The following TIMM23B variants were observed in gnomAD, a reference collection of about 807,000 sequenced individuals.
TIMM23B encodes the protein mitochondrial import inner membrane translocase subunit Tim23B.
In TIMM23B, 27 loss-of-function variants were observed where a neutral mutation model predicts 27.3. The ratio of observed to expected loss-of-function variants is 0.99; its 90% CI spans 0.73 to 1.36. TIMM23B has a LOEUF of 1.36. TIMM23B is among the 40% of genes most tolerant of loss of function. The pLI is 0.00. For synonymous variants in TIMM23B, 73 were observed against 92.4 expected (o/e 0.79, Z 1.21); for missense variants, 205 against 244.2 (o/e 0.84, Z 1.07).
chr10:49,948,824 T>A (rs1839431644), intron 2 of TIMM23B, among the ~76,000 whole-genome samples: 1 of 152,176 alleles, frequency 6.6e-6, no homozygotes, highest in Non-Finnish European at 1.5e-5. Flanking sequence ...ACCACTGAAT[T>A]GTACACTCTA....
Position 49,945,562 on chromosome 10 carries a change from A to T in TIMM23B, c.165+472A>T, listed in dbSNP as rs1218324863. On this transcript the variant is annotated intron_variant, in intron 2 of 6. Coordinates refer to ENST00000651259, the MANE Select transcript of TIMM23B (RefSeq NM_001290117.2). ...CGCCTGGCTAATTTTTGTGTTCTCA[A>T]TAGAGACCGGGTTTCACCATGTTGG... Among the ~76,000 whole-genome samples the T allele has an allele frequency of 3.3e-5, 5 of 152,202 alleles. No homozygotes were observed. In the East Asian group the frequency reaches 9.7e-4, roughly 29 times the overall value.
Position 49,967,562 on chromosome 10 carries a change from C to T in TIMM23B, c.515-5450C>T, listed in dbSNP as rs1840218419. 2.0e-5 allele frequency among the ~76,000 whole-genome samples: 3 copies of T among 150,334 alleles called. No homozygotes were observed. The South Asian group carries it at 6.4e-4, about 32-fold the overall frequency. On this transcript the variant is annotated intron_variant, in intron 6 of 6. Coordinates refer to ENST00000651259, the MANE Select transcript of TIMM23B (RefSeq NM_001290117.2). ...TGGGTCAGCAGATTATTTACCTCTTCTACAATTGCAATGGAAATTGAAATC... is the reference window on the plus strand; with the variant it reads ...TGGGTCAGCAGATTATTTACCTCTTTTACAATTGCAATGGAAATTGAAATC...
At chr10:49,953,554 C>T (rs1839611790) in intron 4 of TIMM23B, among the ~76,000 whole-genome samples, 1 of 152,124 alleles carries the variant, frequency 6.6e-6, no homozygotes, top group African/African-American at 2.4e-5. Context: ...CTGTATTGCT[C>T]AGGCTGTTCT....
intron 6 of TIMM23B, among the ~76,000 whole-genome samples, chr10:49,969,633 G>T (rs1198595484): frequency 2.0e-4 from 30 of 151,684 alleles, no homozygotes; most frequent in African/African-American, 6.5e-4. Flanking sequence ...GGTCAAGGCT[G>T]CAGTGAGCCG....
rs1311346509 is a variant in TIMM23B, at chr10:49,942,116, C to G, written c.-79C>G. The G allele has an allele frequency of 4.1e-6, 6 of 1,468,994 alleles. No homozygotes were observed. Among genetic ancestry groups the G allele is most frequent in the African/African-American group, 1.4e-5 (1 of 70,450 alleles). The allele number at this position is 1,468,994 out of a possible 1,614,324, so 91.0% of individuals were successfully genotyped here. A position where few individuals can be genotyped will look rare whatever the true frequency, so the allele number is the denominator to read the frequency against. ...GGCGCTGGCAACGCGGGGTTACCCG[C>G]TGTTATTGAGGAGTAACGGCCCAGC... is the stretch of plus-strand genomic sequence containing the variant. On this transcript the variant is annotated 5_prime_UTR_variant, in exon 1 of 7. Coordinates refer to ENST00000651259, the MANE Select transcript of TIMM23B (RefSeq NM_001290117.2).
intron 5 of TIMM23B, among the ~76,000 whole-genome samples, chr10:49,957,144 C>T (rs1839751326): frequency 6.6e-6 from 1 of 152,028 alleles, no homozygotes; most frequent in Non-Finnish European, 1.5e-5. Context: ...TCTGACCAAC[C>T]AGCTTTGTCA....
At chr10:49,957,240 G>A (rs1168733419) in intron 5 of TIMM23B, among the ~76,000 whole-genome samples, 2 of 150,332 alleles carry the variant, frequency 1.3e-5, no homozygotes, top group Admixed American at 6.6e-5. Flanking sequence ...TAACATTTGC[G>A]TATTTATTAT....
intron 5 of TIMM23B, among the ~76,000 whole-genome samples, chr10:49,955,500 C>T (rs1448024249): frequency 6.6e-6 from 1 of 152,200 alleles, no homozygotes; most frequent in Non-Finnish European, 1.5e-5. Flanking sequence ...TTTCAGGCAC[C>T]TAATTGCCAC....
At chr10:49,949,858 G>A (rs1290809305) in intron 2 of TIMM23B, among the ~76,000 whole-genome samples, 13 of 146,622 alleles carry the variant, frequency 8.9e-5, no homozygotes, top group African/African-American at 3.0e-4. Flanking sequence ...TTTTTTTCTT[G>A]TTTAATAGTA....
intron 6 of TIMM23B, chr10:49,972,808 A>G (rs1259578393): frequency 3.4e-6 from 2 of 586,834 alleles, no homozygotes; most frequent in Non-Finnish European, 6.0e-6. Flanking sequence ...GTTCTTTTTC[A>G]TTTTCATCTT....
chr10:49,964,578 A>AAATAATGAAATG (rs1359239252), intron 6 of TIMM23B, among the ~76,000 whole-genome samples: 2 of 152,062 alleles, frequency 1.3e-5, no homozygotes, highest in Admixed American at 6.6e-5. Context: ...TGATGAAATG[A>AAATAATGAAATG]AATAATGAAA....
intron 6 of TIMM23B, among the ~76,000 whole-genome samples, chr10:49,961,446 G>A (rs1193853481): frequency 6.6e-6 from 1 of 151,724 alleles, no homozygotes; most frequent in Non-Finnish European, 1.5e-5. Flanking sequence ...ACGGTTTGCT[G>A]TTTGGTGGTT....
chr10:49,960,703 CAA>C (rs1194068299), intron 6 of TIMM23B, among the ~76,000 whole-genome samples: 1 of 151,296 alleles, frequency 6.6e-6, no homozygotes, highest in African/African-American at 2.4e-5. Context: ...CTCACCAAAC[CAA>C]ATTACCTCCA....
intron 1 of TIMM23B, among the ~76,000 whole-genome samples, chr10:49,943,706 T>A (rs1839248355): frequency 6.6e-6 from 1 of 151,594 alleles, no homozygotes; most frequent in Non-Finnish European, 1.5e-5. Context: ...TAGCTACTTT[T>A]CTGGGGGCAG....
At chr10:49,971,618 T>A (rs528099738) in intron 6 of TIMM23B, among the ~76,000 whole-genome samples, 23 of 152,288 alleles carry the variant, frequency 1.5e-4, no homozygotes, top group Non-Finnish European at 1.3e-4. Flanking sequence ...CCTTACTTTA[T>A]CCTAGGAATC....
chr10:49,955,924 CACCCCTCTCTGCTTCTTTTAATTGCT>C, intron 5 of TIMM23B, among the ~76,000 whole-genome samples: 1 of 152,202 alleles, frequency 6.6e-6, no homozygotes, highest in East Asian at 1.9e-4. Flanking sequence ...CCTACAGAGT[CACCCCTCTCTGCTTCTTTTAATTGCT>C]TGTATACCTA....
At chr10:49,949,196 C>CT (rs1564679513) in intron 2 of TIMM23B, among the ~76,000 whole-genome samples, 7,824 of 93,672 alleles carry the variant, frequency 0.084, 415 homozygotes, top group African/African-American at 0.19. Context: ...CCATGCCTGG[C>CT]CTTTTTTTTT....
chr10:49,952,747 C>G lies in TIMM23B; in HGVS notation c.344+214C>G. ...GGAGTGATTTTTTTAATCAGTGTCC[C>G]TCAATCAGCTAGTGCTATGCCAGCC... On this transcript the variant is annotated intron_variant, in intron 4 of 6. Transcript: ENST00000651259. 2.0e-5 allele frequency among the ~76,000 whole-genome samples: 3 copies of G among 147,636 alleles called. No individual in the cohort carries two copies. In the Admixed American group the frequency reaches 2.0e-4, roughly 10 times the overall value.
rs1207067843 is a variant in TIMM23B at position 49,956,484 on chromosome 10, A to G, written c.403+1424A>G. Among the ~76,000 whole-genome samples the G allele has an allele frequency of 4.4e-5, 6 of 136,962 alleles. No homozygotes were observed. In the South Asian group the frequency reaches 1.2e-3, roughly 27 times the overall value. The allele number at this position is 136,962 out of a possible 152,430, so 89.9% of individuals were successfully genotyped here. A position where few individuals can be genotyped will look rare whatever the true frequency, so the allele number is the denominator to read the frequency against. Reference sequence around the variant, plus strand: ...GTGTGTGTGTGTATGTGTGTCTTCAATCCGAAGTACAGCAATTATGGGTAG... The same window carrying G: ...GTGTGTGTGTGTATGTGTGTCTTCAGTCCGAAGTACAGCAATTATGGGTAG... On this transcript the variant is annotated intron_variant, in intron 5 of 6. Coordinates refer to ENST00000651259, the MANE Select transcript of TIMM23B (RefSeq NM_001290117.2).
Sources: allele counts gnomAD v4.1 joint callset (sites outside exome capture counted in the v4.1 genomes callset), GRCh38; gene constraint gnomAD v4.1.1; transcripts MANE v1.5; gene names NCBI Gene and HGNC (gene_info 2026-07-23, HGNC 2026-07-21).